EOMES: variants seen among roughly 807,000 people sequenced by gnomAD.
EOMES encodes eomesodermin homolog.
In EOMES, 18 loss-of-function variants were observed where a neutral mutation model predicts 61.0. The observed-to-expected ratio is 0.30, with a 90% confidence interval of 0.20 to 0.44. The LOEUF is 0.44. Ranked by LOEUF, EOMES falls within the 20% of genes least tolerant of loss-of-function variation. The pLI is 1.00. For missense variants in EOMES, 885 were observed against 939.2 expected (o/e 0.94, Z 0.75); for synonymous variants, 430 against 394.0 (o/e 1.09, Z -1.08).
chr3:27,721,329 T>A lies in EOMES; in HGVS notation c.881+85A>T. 3 of 1,183,056 alleles carry A rather than the reference T, an allele frequency of 2.5e-6. No individual in the cohort carries two copies. The highest frequency in any genetic ancestry group is 3.6e-6 in the Non-Finnish European group (3 of 827,036). The allele number at this position is 1,183,056 out of a possible 1,614,324, so 73.3% of individuals were successfully genotyped here. ...CTAAGCACCGCGCGGAACAACTGGG[T>A]TCAGCTCCCTCATCCCGGACCTTCC... On this transcript the variant is annotated intron_variant, in intron 1 of 5. Transcript: ENST00000449599. The surrounding 1 kb of genome is among the most constrained non-coding windows in gnomAD (Gnocchi z 7.4).
At position 27,722,032 on chromosome 3, in the gene EOMES, G is replaced by A. The variant is rs1241081811; in HGVS notation, c.263C>T (p.Ala88Val). Reference protein sequence around the residue: ...AMLSDTDAGDAFASAAAVAKP... With the variant: ...AMLSDTDAGDVFASAAAVAKP... ...GGCCACTGCCGCAGCGCTGGCAAAT[G>A]CGTCCCCGGCGTCGGTGTCACTAAG... The change falls in exon 1 of 6, where the codon GCA becomes GTA. Residue 88 changes from alanine to valine, a missense_variant. Physicochemically the swap from Ala to Val is moderately conservative, Grantham distance 64. Around this residue, in one of 3 missense-constraint regions of EOMES, gnomAD observed 449 missense variants for 383.6 expected, o/e 1.17. Coordinates refer to ENST00000449599, the MANE Select transcript of EOMES (RefSeq NM_001278182.2). 2.3e-5 allele frequency: 35 copies of A among 1,528,812 alleles called. No individual in the cohort carries two copies. Among genetic ancestry groups the A allele is most frequent in the Non-Finnish European group, 3.0e-5 (34 of 1,138,694 alleles). 94.7% of individuals were successfully genotyped at this position (1,528,812 alleles called of 1,614,324 possible).
Position 27,722,009 on chromosome 3 carries a change from C to G in EOMES, c.286G>C (p.Ala96Pro), listed in dbSNP as rs1400483602. The change falls in exon 1 of 6, where the codon GCC (alanine) becomes CCC (proline). Residue 96 changes from alanine to proline, a missense_variant. By Grantham distance (27) the Ala-to-Pro change is conservative. Coordinates refer to ENST00000449599, the MANE Select transcript of EOMES (RefSeq NM_001278182.2). ...GDAFASAAAV[A>P]KPGPPDGRKG... ...CGGCCGTCCGGGGGCCCCGGCTTGG[C>G]CACTGCCGCAGCGCTGGCAAATGCG... 6.6e-7 allele frequency: 1 copy of G among 1,504,712 alleles called. No individual in the cohort carries two copies. The highest frequency in any genetic ancestry group is 2.3e-5 in the Admixed American group (1 of 43,842). The allele number at this position is 1,504,712 out of a possible 1,614,324, so 93.2% of individuals were successfully genotyped here.
chr3:27,716,878 A>G lies in EOMES; in HGVS notation c.*192T>C, dbSNP rs1408842011. On this transcript the variant is annotated 3_prime_UTR_variant, in exon 6 of 6. Transcript: ENST00000449599. ...CTTCCATTAATCTTATTTTTTAAAA[A>G]TGCTAGGTTTGTTTCAGTTACCTGC... The G allele has an allele frequency of 1.1e-5, 6 of 560,256 alleles. No individual in the cohort carries two copies. In the East Asian group the frequency reaches 1.4e-4, roughly 13 times the overall value. 34.7% of individuals were successfully genotyped at this position (560,256 alleles called of 1,614,324 possible). A position where few individuals can be genotyped will look rare whatever the true frequency, so the allele number is the denominator to read the frequency against.
chr3:27,721,045 T>C lies in EOMES; in HGVS notation c.881+369A>G, dbSNP rs2060608815. Among the ~76,000 whole-genome samples, 1 of 152,180 alleles carries C rather than the reference T, an allele frequency of 6.6e-6. No individual in the cohort carries two copies. Among genetic ancestry groups the C allele is most frequent in the South Asian group, 2.1e-4 (1 of 4,832 alleles). On this transcript the variant is annotated intron_variant, in intron 1 of 5. Coordinates refer to ENST00000449599, the MANE Select transcript of EOMES (RefSeq NM_001278182.2). This position sits in a 1 kb window ranked among gnomAD's most constrained non-coding sequence, Gnocchi z 7.4. ...AGGTGGCCAGCTCTTGAGCCTTCCC[T>C]ATCCGTGGCTCCTTGCCGGCATGCA... is the stretch of plus-strand genomic sequence containing the variant.
At position 27,721,834 on chromosome 3, in the gene EOMES, G is replaced by A. The variant is rs865903640; in HGVS notation, c.461C>T (p.Ser154Leu). ...GAGTGAGCAGGGCGCAGCCAGCTCC[G>A]ACCCCTGAGGACCGGGGGACTGGAG... Reference protein sequence around the residue: ...YYLQSPGPQGSELAAPCSLFP... With the variant: ...YYLQSPGPQGLELAAPCSLFP... The change falls in exon 1 of 6, where the codon TCG becomes TTG. Residue 154 changes from serine to leucine, a missense_variant. Transcript: ENST00000449599. The surrounding 1 kb of genome is among the most constrained non-coding windows in gnomAD (Gnocchi z 7.4). The A allele has an allele frequency of 3.3e-6, 5 of 1,517,840 alleles. No individual in the cohort carries two copies. The highest frequency in any genetic ancestry group is 3.5e-6 in the Non-Finnish European group (4 of 1,139,560). 94.0% of individuals were successfully genotyped at this position (1,517,840 alleles called of 1,614,324 possible).
chr3:27,718,708 G>A (rs1311670689), intron 4 of EOMES, 27 bp downstream of exon 4: 1 of 1,613,740 alleles, frequency 6.2e-7, no homozygotes, highest in East Asian at 2.2e-5. Context: ...TAGCTTTAGA[G>A]ATTCTTGAGA....
chr3:27,717,066 CT>C lies in EOMES; in HGVS notation c.*3del, dbSNP rs749260132. ...TAGCTAATTTTTGAGGTTAAAATAA[CT>C]CTTTAGGGAGTTGTGTAAAAAGCAT... On this transcript the variant is annotated 3_prime_UTR_variant, in exon 6 of 6. Transcript: ENST00000449599. This position sits in a 1 kb window ranked among gnomAD's most constrained non-coding sequence, Gnocchi z 4.5. 1 of 1,594,002 alleles carries C rather than the reference CT, an allele frequency of 6.3e-7. No individual in the cohort carries two copies. The highest frequency in any genetic ancestry group is 1.1e-5 in the South Asian group (1 of 89,526).
Position 27,722,306 on chromosome 3 carries a change from C to A in EOMES, c.-12G>T. Reference sequence around the variant, plus strand: ...TCCCCTAACTGCATGCTTTGCAAAGCGCAGACGGCAGCTGGCTGCTTCCTC... The same window carrying A: ...TCCCCTAACTGCATGCTTTGCAAAGAGCAGACGGCAGCTGGCTGCTTCCTC... On this transcript the variant is annotated 5_prime_UTR_variant, in exon 1 of 6. Coordinates refer to ENST00000449599, the MANE Select transcript of EOMES (RefSeq NM_001278182.2). 2 of 1,539,172 alleles carry A rather than the reference C, an allele frequency of 1.3e-6. No homozygotes were observed. Among genetic ancestry groups the A allele is most frequent in the Non-Finnish European group, 8.7e-7 (1 of 1,148,818 alleles).
In EOMES at chr3:27,719,036, G is replaced by T. The variant is rs529806576; in HGVS notation, c.1159-143C>A. ...AGCTTTGTTTATTGCAAGTTTAAAG[G>T]TCTCATTATTGCCCCCCCCCTTTTT... On this transcript the variant is annotated intron_variant, in intron 3 of 5. Transcript: ENST00000449599. 1,607 of 680,914 alleles carry T rather than the reference G, an allele frequency of 2.4e-3. 13 individuals carry two copies. The highest frequency in any genetic ancestry group is 9.7e-3 in the South Asian group (479 of 49,522). The allele number at this position is 680,914 out of a possible 1,614,324, so 42.2% of individuals were successfully genotyped here.
intron 5 of EOMES, 114 bp downstream of exon 5, chr3:27,718,473 T>A: frequency 1.5e-6 from 1 of 680,504 alleles, no homozygotes. Flanking sequence ...AAGAAAAATA[T>A]GTAAAAATCC....
At chr3:27,719,790 C>T (rs997548441) in intron 2 of EOMES, among the ~76,000 whole-genome samples, 1 of 152,106 alleles carries the variant, frequency 6.6e-6, no homozygotes, top group Non-Finnish European at 1.5e-5. Context: ...GCTGTAAGGG[C>T]AACATCCGAT....
intron 1 of EOMES, among the ~76,000 whole-genome samples, chr3:27,720,558 A>T (rs2060604268): frequency 1.1e-5 from 1 of 88,334 alleles, no homozygotes; most frequent in Non-Finnish European, 2.0e-5. Context: ...AAAAAAAAAA[A>T]AAAAAAAAAA....
At position 27,717,347 on chromosome 3, in the gene EOMES, G is replaced by T. The variant is rs780523872; in HGVS notation, c.1841C>A (p.Thr614Lys). The change falls in exon 6 of 6, where the codon ACA (threonine) becomes AAA (lysine). Residue 614 changes from threonine to lysine, a missense_variant. Transcript: ENST00000449599. This position sits in a 1 kb window ranked among gnomAD's most constrained non-coding sequence, Gnocchi z 4.5. ...MAAGLPWTSR[T>K]SPTVFSEDQL... ...ATCTTCAGAGAACACAGTGGGGCTT[G>T]TTCTGGAGGTCCATGGTAGTCCAGC... 21 of 1,614,106 alleles carry T rather than the reference G, an allele frequency of 1.3e-5. No individual in the cohort carries two copies. The highest frequency in any genetic ancestry group is 1.7e-5 in the Non-Finnish European group (20 of 1,180,044).
chr3:27,721,951 G>T lies in EOMES; in HGVS notation c.344C>A (p.Pro115His). ...GGCGGCGGCGGCTGCAGCGGCGGAG[G>T]GCAGCTCCTCCTCCCCGCAGGGGGA... The part of the protein sequence containing the change: ...KGSPCGEEEL[P>H]SAAAAAAAAA... Residue 115 changes from proline to histidine, a missense_variant, in exon 1 of 6, where the codon CCC becomes CAC. Coordinates refer to ENST00000449599, the MANE Select transcript of EOMES (RefSeq NM_001278182.2). This position sits in a 1 kb window ranked among gnomAD's most constrained non-coding sequence, Gnocchi z 7.4. 1 of 1,415,006 alleles carries T rather than the reference G, an allele frequency of 7.1e-7. No individual in the cohort carries two copies. The highest frequency in any genetic ancestry group is 1.7e-5 in the South Asian group (1 of 60,562). The allele number at this position is 1,415,006 out of a possible 1,614,324, so 87.7% of individuals were successfully genotyped here. A position where few individuals can be genotyped will look rare whatever the true frequency, so the allele number is the denominator to read the frequency against.
In EOMES at chr3:27,717,381, T is replaced by A; in HGVS notation, c.1807A>T (p.Lys603Ter). The change falls in exon 6 of 6, where the codon AAG becomes TAG. Residue 603 changes from lysine (K) to a stop codon, truncating the protein, a stop_gained. Transcript: ENST00000449599. LOFTEE classifies it high-confidence loss of function. The surrounding 1 kb of genome is among the most constrained non-coding windows in gnomAD (Gnocchi z 4.5). ...GWGGRGSYQR[K>*]MAAGLPWTSR... is the part of the protein sequence containing the mutation. Reference sequence around the variant, plus strand: ...GTCCATGGTAGTCCAGCTGCCATCTTCCTCTGGTAAGAACCTCGACCTCCC... The same window carrying A: ...GTCCATGGTAGTCCAGCTGCCATCTACCTCTGGTAAGAACCTCGACCTCCC... The A allele has an allele frequency of 1.9e-6, 3 of 1,614,206 alleles. No individual in the cohort carries two copies. Among genetic ancestry groups the A allele is most frequent in the Non-Finnish European group, 2.5e-6 (3 of 1,180,022 alleles).
chr3:27,718,373 T>A (rs1459147568), intron 5 of EOMES, among the ~76,000 whole-genome samples: 3 of 152,234 alleles, frequency 2.0e-5, no homozygotes, highest in Non-Finnish European at 4.4e-5. Context: ...AACCTCTTCA[T>A]TTTTAAGTCC....
chr3:27,717,012 A>G lies in EOMES; in HGVS notation c.*58T>C, dbSNP rs2060573275. ...CAACCTAGGCAAAGAAGACAACAAA[A>G]AACACCACCAAGTCCATCTGCAAAA... On this transcript the variant is annotated 3_prime_UTR_variant, in exon 6 of 6. Transcript: ENST00000449599. This position sits in a 1 kb window ranked among gnomAD's most constrained non-coding sequence, Gnocchi z 4.5. 2 of 1,404,672 alleles carry G rather than the reference A, an allele frequency of 1.4e-6. No individual in the cohort carries two copies. The highest frequency in any genetic ancestry group is 2.0e-5 in the Admixed American group (1 of 49,844). The allele number at this position is 1,404,672 out of a possible 1,614,324, so 87.0% of individuals were successfully genotyped here. A position where few individuals can be genotyped will look rare whatever the true frequency, so the allele number is the denominator to read the frequency against.
In EOMES at chr3:27,722,190, G is replaced by T; in HGVS notation, c.105C>A (p.His35Gln). ...GAGGAGAGGGGGCCGCGCTGGGGAG[G>T]TGGCCAGCGCTCCCGCCGCTGCCGC... is the stretch of plus-strand genomic sequence containing the variant. The part of the protein sequence containing the change: ...ARGGSGGSAG[H>Q]LPSAAPSPQK... Residue 35 changes from histidine (H) to glutamine (Q), a missense_variant, in exon 1 of 6, where the codon CAC becomes CAA. Transcript: ENST00000449599. 2 of 1,599,666 alleles carry T rather than the reference G, an allele frequency of 1.3e-6. No homozygotes were observed. The highest frequency in any genetic ancestry group is 1.7e-6 in the Non-Finnish European group (2 of 1,174,606).
chr3:27,717,264 G>C lies in EOMES; in HGVS notation c.1924C>G (p.Pro642Ala). ...TTGGAATCTAGAGATTTGATGGAAG[G>C]GGGTGTCTCTATCCAAGAAGAGCCA... ...EIGSSWIETP[P>A]SIKSLDSNDS... Residue 642 changes from proline to alanine, a missense_variant, in exon 6 of 6, where the codon CCT (proline) becomes GCT (alanine). Pro to Ala is a conservative substitution (Grantham distance 27, BLOSUM62 -1). Around this residue, in one of 3 missense-constraint regions of EOMES, gnomAD observed 259 missense variants for 282.3 expected, o/e 0.92. Transcript: ENST00000449599. The surrounding 1 kb of genome is among the most constrained non-coding windows in gnomAD (Gnocchi z 4.5). 1.2e-6 allele frequency: 2 copies of C among 1,613,614 alleles called. No homozygotes were observed. Among genetic ancestry groups the C allele is most frequent in the Non-Finnish European group, 1.7e-6 (2 of 1,179,540 alleles).
Sources: allele counts gnomAD v4.1 joint callset (sites outside exome capture counted in the v4.1 genomes callset), GRCh38; gene constraint gnomAD v4.1.1; regional missense constraint gnomAD v4.1.1; non-coding constraint Gnocchi (gnomAD v3.1); transcripts MANE v1.5; gene names NCBI Gene and HGNC (gene_info 2026-07-23, HGNC 2026-07-21).